The following JAZF1 variants were observed in gnomAD, a reference collection of about 807,000 sequenced individuals.
JAZF1 encodes the protein JAZF zinc finger 1.
Under a neutral mutation model 26.4 loss-of-function variants are expected in JAZF1, and 8 were observed. That is an observed-to-expected ratio of 0.30 (90% CI 0.18 to 0.55). JAZF1 has a LOEUF of 0.55. Ranked by LOEUF, JAZF1 falls within the 20% of genes least tolerant of loss-of-function variation. The pLI is 0.94. For missense variants in JAZF1, 199 were observed against 322.0 expected, an observed-to-expected ratio of 0.62 and a Z score of 2.92; for synonymous variants, 126 against 122.3, an observed-to-expected ratio of 1.03 and a Z score of -0.20.
At chr7:28,086,305 T>G (rs539352780) in intron 1 of JAZF1, among the ~76,000 whole-genome samples, 2 of 152,362 alleles carry the variant, frequency 1.3e-5, no homozygotes, top group South Asian at 2.1e-4. Context: ...AGCTGGGTAC[T>G]CATAAAAGTT....
Position 28,101,704 on chromosome 7 carries a change from G to A in JAZF1, c.115+78759C>T, listed in dbSNP as rs184680352. Among the ~76,000 whole-genome samples, 521 of 151,854 alleles carry A rather than the reference G, an allele frequency of 3.4e-3. 2 individuals carry two copies. The highest frequency in any genetic ancestry group is 5.6e-3 in the Non-Finnish European group (381 of 67,952). On this transcript the variant is annotated intron_variant, in intron 1 of 4. Transcript: ENST00000283928. ...GGCTGCAGTGAGCTGTGATCCTGCCGCTGCACTCCAGTCTGGGTGATAGAG... is the reference window on the plus strand; with the variant it reads ...GGCTGCAGTGAGCTGTGATCCTGCCACTGCACTCCAGTCTGGGTGATAGAG...
At chr7:27,839,275 G>A (rs1441017881) in intron 4 of JAZF1, among the ~76,000 whole-genome samples, 1 of 152,324 alleles carries the variant, frequency 6.6e-6, no homozygotes, top group South Asian at 2.1e-4. Flanking sequence ...TGGCCCTGGA[G>A]AGCAGGCAGC....
intron 3 of JAZF1, among the ~76,000 whole-genome samples, chr7:27,866,467 A>G (rs754868225): frequency 7.9e-5 from 12 of 152,148 alleles, no homozygotes; most frequent in African/African-American, 1.2e-4. Context: ...CCATTTCCTC[A>G]TCTGTAAAAT....
At chr7:27,933,998 C>T (rs1184695185) in intron 2 of JAZF1, among the ~76,000 whole-genome samples, 1 of 152,202 alleles carries the variant, frequency 6.6e-6, no homozygotes, top group Non-Finnish European at 1.5e-5. Context: ...ATAAAGAATG[C>T]ACTTCCATTT....
At chr7:28,090,544 T>C (rs1430527876) in intron 1 of JAZF1, among the ~76,000 whole-genome samples, 1 of 152,234 alleles carries the variant, frequency 6.6e-6, no homozygotes, top group African/African-American at 2.4e-5. Context: ...TCCTATTCTA[T>C]CTACATGAAA....
chr7:27,840,693 G>A lies in JAZF1; in HGVS notation c.555+5C>T, dbSNP rs1462432755. On this transcript the variant is annotated splice_donor_5th_base_variant and intron_variant, in intron 4 of 4. Coordinates refer to ENST00000283928, the MANE Select transcript of JAZF1 (RefSeq NM_175061.4). This position sits in a 1 kb window ranked among gnomAD's most constrained non-coding sequence, Gnocchi z 5.1. ...GTTATGCCAAGCATGCAGCACCTCTGTTACCTTGTATCTCTTTTTACATCC... is the reference window on the plus strand; with the variant it reads ...GTTATGCCAAGCATGCAGCACCTCTATTACCTTGTATCTCTTTTTACATCC... 3 of 1,613,918 alleles carry A rather than the reference G, an allele frequency of 1.9e-6. No homozygotes were observed. Among genetic ancestry groups the A allele is most frequent in the Non-Finnish European group, 2.5e-6 (3 of 1,179,854 alleles).
At chr7:28,137,186 C>T (rs1205310670) in intron 1 of JAZF1, among the ~76,000 whole-genome samples, 1 of 152,206 alleles carries the variant, frequency 6.6e-6, no homozygotes, top group Non-Finnish European at 1.5e-5. Flanking sequence ...AACTGCGGTG[C>T]TGTTTGGCCT....
intron 2 of JAZF1, among the ~76,000 whole-genome samples, chr7:27,907,567 A>AT (rs1484629227): frequency 6.6e-6 from 1 of 152,174 alleles, no homozygotes; most frequent in Non-Finnish European, 1.5e-5. Context: ...CCTTAGGTGA[A>AT]TTCTTCTGAC....
chr7:27,987,258 T>C (rs2128364000), intron 2 of JAZF1, among the ~76,000 whole-genome samples: 1 of 148,928 alleles, frequency 6.7e-6, no homozygotes, highest in East Asian at 2.0e-4. Context: ...GGAGCGCCTC[T>C]GCCCCGACGC....
At chr7:27,975,981 T>A (rs1785462090) in intron 2 of JAZF1, among the ~76,000 whole-genome samples, 2 of 152,176 alleles carry the variant, frequency 1.3e-5, no homozygotes, top group Non-Finnish European at 2.9e-5. Context: ...TGCAAACTAA[T>A]TCTGTTGGAG....
intron 3 of JAZF1, chr7:27,842,530 C>T (rs1782941658): frequency 6.6e-6 from 1 of 152,096 alleles, no homozygotes; most frequent in Non-Finnish European, 1.5e-5. Flanking sequence ...AAACATGAAG[C>T]TTTGGAGCTA....
chr7:28,024,716 C>T (rs1374425123), intron 1 of JAZF1, among the ~76,000 whole-genome samples: 10 of 152,116 alleles, frequency 6.6e-5, no homozygotes, highest in Admixed American at 6.5e-4. Context: ...CTTTATTAAG[C>T]TTCCCAGAGA....
intron 2 of JAZF1, among the ~76,000 whole-genome samples, chr7:27,908,341 TG>T (rs1436569861): frequency 2.6e-5 from 4 of 152,190 alleles, no homozygotes; most frequent in Non-Finnish European, 5.9e-5. Context: ...AAAACTATTT[TG>T]GGGGCAAAGC....
intron 1 of JAZF1, among the ~76,000 whole-genome samples, chr7:28,107,103 C>T (rs530465553): frequency 6.6e-6 from 1 of 152,222 alleles, no homozygotes; most frequent in African/African-American, 2.4e-5. Context: ...CTGCCAACAT[C>T]GAATTAATCT....
chr7:28,081,370 G>A (rs966197085), intron 1 of JAZF1, among the ~76,000 whole-genome samples: 2 of 152,144 alleles, frequency 1.3e-5, no homozygotes, highest in African/African-American at 2.4e-5. Context: ...GTGCCTGGGG[G>A]GCTGTGCCTG....
chr7:27,938,042 C>T (rs1307899597), intron 2 of JAZF1, among the ~76,000 whole-genome samples: 1 of 152,210 alleles, frequency 6.6e-6, no homozygotes, highest in Non-Finnish European at 1.5e-5. Context: ...TGGATACACT[C>T]AATTTACTGA....
At chr7:28,035,705 T>A (rs1783280927) in intron 1 of JAZF1, among the ~76,000 whole-genome samples, 1 of 152,104 alleles carries the variant, frequency 6.6e-6, no homozygotes, top group African/African-American at 2.4e-5. Flanking sequence ...CATGTACTCA[T>A]TAGTGAGTAC....
intron 1 of JAZF1, among the ~76,000 whole-genome samples, chr7:28,090,333 A>T (rs1016373059): frequency 6.6e-6 from 1 of 152,194 alleles, no homozygotes; most frequent in African/African-American, 2.4e-5. Context: ...CTGCTTAACG[A>T]AGATGCTAAT....
intron 1 of JAZF1, among the ~76,000 whole-genome samples, chr7:28,027,190 G>A (rs1783107732): frequency 6.6e-6 from 1 of 152,130 alleles, no homozygotes; most frequent in Non-Finnish European, 1.5e-5. Context: ...CAGTCTCAGG[G>A]GCTGCCCCAC....
Sources: allele counts gnomAD v4.1 joint callset (sites outside exome capture counted in the v4.1 genomes callset), GRCh38; gene constraint gnomAD v4.1.1; non-coding constraint Gnocchi (gnomAD v3.1); transcripts MANE v1.5; gene names NCBI Gene and HGNC (gene_info 2026-07-23, HGNC 2026-07-21).